SLIT2: variants seen among roughly 807,000 people sequenced by gnomAD.
The protein encoded by SLIT2 is slit guidance ligand 2.
A neutral mutation model predicts 185.7 loss-of-function variants in SLIT2; 41 were observed. The observed-to-expected ratio is 0.22, with a 90% CI of 0.17 to 0.29. SLIT2 has a LOEUF of 0.29. SLIT2 is among the 10% of genes least tolerant of loss of function. SLIT2 has a pLI of 1.00. For missense variants in SLIT2, 1,571 were observed against 1,909.0 expected (o/e 0.82, Z 3.30); for synonymous variants, 693 against 680.2 (o/e 1.02, Z -0.29).
chr4:20,489,532 C>T lies in SLIT2; in HGVS notation c.775+550C>T, dbSNP rs1416855882. Among the ~76,000 whole-genome samples the T allele has an allele frequency of 2.0e-5, 3 of 152,194 alleles. No homozygotes were observed. The East Asian group carries it at 5.8e-4, about 29-fold the overall frequency. On this transcript the variant is annotated intron_variant, in intron 8 of 36. Transcript: ENST00000504154. ...GGCACTGTGGCCCACGCCTGTAATCCCAGCATTTTGGGAGGCAGAGGTGGG... is the reference window on the plus strand; with the variant it reads ...GGCACTGTGGCCCACGCCTGTAATCTCAGCATTTTGGGAGGCAGAGGTGGG...
intron 4 of SLIT2, among the ~76,000 whole-genome samples, chr4:20,280,688 G>C (rs1714662749): frequency 6.6e-6 from 1 of 152,136 alleles, no homozygotes; most frequent in African/African-American, 2.4e-5. Flanking sequence ...AATTACAGTG[G>C]TGGAGTTATT....
intron 4 of SLIT2, among the ~76,000 whole-genome samples, chr4:20,412,388 CATCTT>C (rs970503318): frequency 7.9e-5 from 12 of 152,064 alleles, no homozygotes; most frequent in African/African-American, 2.7e-4. Flanking sequence ...GTAAATTAAT[CATCTT>C]ATAAGAGAAA....
chr4:20,477,053 C>T lies in SLIT2; in HGVS notation c.468-3663C>T, dbSNP rs937707794. Reference sequence around the variant, plus strand: ...GTATCTCTTAATATATGGAGCCCATCGACACACTGCATTATGTGAGACTAA... The same window carrying T: ...GTATCTCTTAATATATGGAGCCCATTGACACACTGCATTATGTGAGACTAA... On this transcript the variant is annotated intron_variant, in intron 5 of 36. Coordinates refer to ENST00000504154, the MANE Select transcript of SLIT2 (RefSeq NM_004787.4). 6.6e-5 allele frequency among the ~76,000 whole-genome samples: 10 copies of T among 151,300 alleles called. No individual in the cohort carries two copies. The East Asian group carries it at 1.9e-3, about 29-fold the overall frequency.
At chr4:20,433,800 ATATACTATGG>A (rs1376520528) in intron 4 of SLIT2, among the ~76,000 whole-genome samples, 7 of 152,146 alleles carry the variant, frequency 4.6e-5, no homozygotes, top group African/African-American at 1.7e-4. Flanking sequence ...CACATGCTCT[ATATACTATGG>A]TGGATTTTAA....
chr4:20,331,573 C>G (rs769880254), intron 4 of SLIT2, among the ~76,000 whole-genome samples: 3 of 151,950 alleles, frequency 2.0e-5, no homozygotes, highest in Non-Finnish European at 4.4e-5. Flanking sequence ...CATGAGTTTG[C>G]TCACTAATAT....
chr4:20,516,892 G>A (rs755746424), intron 11 of SLIT2, among the ~76,000 whole-genome samples: 6 of 151,444 alleles, frequency 4.0e-5, no homozygotes, highest in Non-Finnish European at 7.4e-5. Flanking sequence ...CTTTTTTGCC[G>A]TTTACCCACT....
chr4:20,260,728 T>C lies in SLIT2; in HGVS notation c.323+2789T>C, dbSNP rs12648983. On this transcript the variant is annotated intron_variant, in intron 3 of 36. Coordinates refer to ENST00000504154, the MANE Select transcript of SLIT2 (RefSeq NM_004787.4). ...TGTTGATTTGAATTTAATTGTAGCA[T>C]GGAATGGCAAAGTCATTATTTGCAA... Among the ~76,000 whole-genome samples, 467 of 151,960 alleles carry C rather than the reference T, an allele frequency of 3.1e-3. 6 individuals are homozygous for C. In the East Asian group the frequency reaches 0.068, roughly 22 times the overall value.
At chr4:20,293,432 A>G (rs1560290641) in intron 4 of SLIT2, among the ~76,000 whole-genome samples, 1 of 152,210 alleles carries the variant, frequency 6.6e-6, no homozygotes, top group Non-Finnish European at 1.5e-5. Context: ...TGTATATTGT[A>G]TGGTGGGTTT....
chr4:20,546,249 G>T, intron 22 of SLIT2, 150 bp downstream of exon 22: 1 of 495,936 alleles, frequency 2.0e-6, no homozygotes, highest in Non-Finnish European at 3.6e-6. Context: ...CTGGACCCCT[G>T]GCTACATCTT....
chr4:20,620,067 G>A lies in SLIT2; in HGVS notation c.*1058G>A, dbSNP rs8663. On this transcript the variant is annotated 3_prime_UTR_variant, in exon 37 of 37. Coordinates refer to ENST00000504154, the MANE Select transcript of SLIT2 (RefSeq NM_004787.4). ...TGCAGAGAGTATGCAAAGTCCGAGA[G>A]AGGAAAACAGAAATCTGTATGTGAG... 30,558 of 204,628 alleles carry A rather than the reference G, an allele frequency of 0.15. 2,479 individuals carry two copies. The highest frequency in any genetic ancestry group is 0.21 in the Middle Eastern group (103 of 486). 12.7% of individuals were successfully genotyped at this position (204,628 alleles called of 1,614,324 possible). A position where few individuals can be genotyped will look rare whatever the true frequency, so the allele number is the denominator to read the frequency against.
intron 29 of SLIT2, among the ~76,000 whole-genome samples, chr4:20,587,756 C>G (rs1727181557): frequency 6.6e-6 from 1 of 152,218 alleles, no homozygotes; most frequent in Admixed American, 6.5e-5. Context: ...GCTCCAGCCT[C>G]TAGCACAACA....
At chr4:20,383,320 C>G (rs973350559) in intron 4 of SLIT2, among the ~76,000 whole-genome samples, 3 of 152,078 alleles carry the variant, frequency 2.0e-5, no homozygotes, top group Non-Finnish European at 4.4e-5. Flanking sequence ...TTTAAAAATA[C>G]ATATCTGATA....
intron 4 of SLIT2, among the ~76,000 whole-genome samples, chr4:20,435,723 G>C (rs1232336361): frequency 6.6e-6 from 1 of 152,194 alleles, no homozygotes; most frequent in East Asian, 1.9e-4. Flanking sequence ...ACAGGGTGTT[G>C]ACTCTAGCTA....
intron 4 of SLIT2, among the ~76,000 whole-genome samples, chr4:20,385,029 C>G (rs187319793): frequency 2.6e-5 from 4 of 152,132 alleles, no homozygotes; most frequent in Non-Finnish European, 5.9e-5. Context: ...CCTGCTCCTA[C>G]TTTCTGACGA....
At chr4:20,492,264 C>T (rs1560472306) in intron 9 of SLIT2, among the ~76,000 whole-genome samples, 1 of 152,096 alleles carries the variant, frequency 6.6e-6, no homozygotes, top group Admixed American at 6.6e-5. Flanking sequence ...ACCACAGAAA[C>T]AATACAGTTA....
At chr4:20,321,216 C>T (rs902745336) in intron 4 of SLIT2, among the ~76,000 whole-genome samples, 1 of 152,198 alleles carries the variant, frequency 6.6e-6, no homozygotes, top group Non-Finnish European at 1.5e-5. Flanking sequence ...TTTGCTGTTT[C>T]TGTTAATGAT....
rs764223807 is a variant in SLIT2, at chr4:20,568,917, G to A, written c.3001G>A (p.Asp1001Asn). The A allele has an allele frequency of 6.2e-7, 1 of 1,612,180 alleles. No homozygotes were observed. The highest frequency in any genetic ancestry group is 8.5e-7 in the Non-Finnish European group (1 of 1,178,508). Residue 1001 changes from aspartate (D) to asparagine (N), a missense_variant, in exon 29 of 37, where the codon GAT becomes AAT. By Grantham distance (23) the Asp-to-Asn change is conservative. Transcript: ENST00000504154. ...EGENCEVNVD[D>N]CEDNDCENNS... ...AGAAAATTGTGAAGTCAACGTTGAT[G>A]ATTGTGAAGATAATGACTGTGAAAA...
At chr4:20,280,517 A>C (rs1421193180) in intron 4 of SLIT2, among the ~76,000 whole-genome samples, 1 of 152,178 alleles carries the variant, frequency 6.6e-6, no homozygotes, top group Admixed American at 6.5e-5. Flanking sequence ...ACCTTGCCCA[A>C]TGTGTTCACC....
At chr4:20,589,855 C>G in intron 30 of SLIT2, 118 bp downstream of exon 30, 1 of 592,840 alleles carries the variant, frequency 1.7e-6, no homozygotes, top group East Asian at 3.2e-5. Context: ...GGGACCTATT[C>G]ACTAGTATCA....
Sources: allele counts gnomAD v4.1 joint callset (sites outside exome capture counted in the v4.1 genomes callset), GRCh38; gene constraint gnomAD v4.1.1; transcripts MANE v1.5; gene names NCBI Gene and HGNC (gene_info 2026-07-23, HGNC 2026-07-21).